GRM1: variants seen among roughly 807,000 people sequenced by gnomAD.
GRM1 encodes the protein metabotropic glutamate receptor 1.
Under a neutral mutation model 90.9 loss-of-function variants are expected in GRM1, and 33 were observed. The ratio of observed to expected loss-of-function variants is 0.36; its 90% CI spans 0.28 to 0.49. The LOEUF (loss-of-function observed/expected upper bound fraction) is 0.49, where lower values mean the gene tolerates loss of function less well. Ranked by LOEUF, GRM1 falls within the 20% of genes least tolerant of loss-of-function variation. The pLI is 0.99. For missense variants in GRM1, 1,190 were observed against 1,534.3 expected (o/e 0.78, Z 3.75); for synonymous variants, 700 against 613.2 (o/e 1.14, Z -2.09).
chr6:146,103,160 C>A (rs1267563322), intron 1 of GRM1, among the ~76,000 whole-genome samples: 1 of 152,066 alleles, frequency 6.6e-6, no homozygotes, highest in African/African-American at 2.4e-5. Context: ...GTGAAATTGG[C>A]AATTGGCATT....
chr6:146,371,620 C>A (rs938924125), intron 5 of GRM1, among the ~76,000 whole-genome samples: 3 of 152,084 alleles, frequency 2.0e-5, no homozygotes, highest in Non-Finnish European at 4.4e-5. Flanking sequence ...CATGCCCCAA[C>A]TACTCTTCCC....
chr6:146,419,067 T>C (rs3804295), intron 7 of GRM1, among the ~76,000 whole-genome samples: 92,531 of 151,952 alleles, frequency 0.61, 30,502 homozygotes, highest in African/African-American at 0.88. Flanking sequence ...GGAGAGGTAC[T>C]GAGATTTCGC....
At chr6:146,141,749 A>G (rs1776888074) in intron 1 of GRM1, among the ~76,000 whole-genome samples, 2 of 152,028 alleles carry the variant, frequency 1.3e-5, no homozygotes, top group African/African-American at 4.8e-5. Flanking sequence ...TATTTCAATC[A>G]GTTTGTTAAA....
chr6:146,091,106 G>C (rs1301587874), intron 1 of GRM1, among the ~76,000 whole-genome samples: 1 of 152,082 alleles, frequency 6.6e-6, no homozygotes, highest in Non-Finnish European at 1.5e-5. Context: ...GCCTTAAAAA[G>C]ACAGAACTGC....
intron 1 of GRM1, among the ~76,000 whole-genome samples, chr6:146,099,166 A>G (rs1776967224): frequency 6.6e-6 from 1 of 152,128 alleles, no homozygotes; most frequent in Admixed American, 6.5e-5. Context: ...TGGGTGGATC[A>G]CTTTGAGCTC....
intron 1 of GRM1, among the ~76,000 whole-genome samples, chr6:146,084,001 A>C (rs1326943232): frequency 2.6e-5 from 4 of 152,092 alleles, no homozygotes; most frequent in African/African-American, 7.2e-5. Context: ...TTTCTTCTAG[A>C]GTTTCTAGTT....
At chr6:146,060,108 C>T (rs751765585) in intron 1 of GRM1, among the ~76,000 whole-genome samples, 19 of 152,046 alleles carry the variant, frequency 1.2e-4, no homozygotes, top group Non-Finnish European at 2.2e-4. Context: ...TGAAAGGGGT[C>T]TAGCTTTTCA....
chr6:146,411,790 G>A (rs551618324), intron 7 of GRM1, among the ~76,000 whole-genome samples: 16 of 152,200 alleles, frequency 1.1e-4, no homozygotes, highest in Non-Finnish European at 1.5e-4. Context: ...AGCCAACAGA[G>A]ACATGCCTTT....
At chr6:146,154,634 T>C (rs1777456547) in intron 1 of GRM1, among the ~76,000 whole-genome samples, 1 of 152,222 alleles carries the variant, frequency 6.6e-6, no homozygotes, top group South Asian at 2.1e-4. Flanking sequence ...CAGGAATGTC[T>C]TATTAGATTT....
chr6:146,102,218 T>C (rs1446940984), intron 1 of GRM1, among the ~76,000 whole-genome samples: 1 of 152,208 alleles, frequency 6.6e-6, no homozygotes, highest in African/African-American at 2.4e-5. Flanking sequence ...CCATTGGTCC[T>C]TTTCTCACTC....
At chr6:146,368,457 A>G (rs1046610763) in intron 5 of GRM1, among the ~76,000 whole-genome samples, 1 of 152,106 alleles carries the variant, frequency 6.6e-6, no homozygotes. Flanking sequence ...TCCATATCTT[A>G]GAAGAAAAAG....
chr6:146,372,640 GGGGAGAGGTAGGGGTC>G (rs149682665), intron 5 of GRM1, among the ~76,000 whole-genome samples: 3,738 of 152,142 alleles, frequency 0.025, 137 homozygotes, highest in African/African-American at 0.083. Context: ...TTTTGTGTAT[GGGGAGAGGTAGGGGTC>G]TAGTTTCATT....
intron 1 of GRM1, among the ~76,000 whole-genome samples, chr6:146,072,386 A>G (rs929984326): frequency 6.6e-6 from 1 of 152,166 alleles, no homozygotes; most frequent in Non-Finnish European, 1.5e-5. Flanking sequence ...GCATTATTCT[A>G]TAATATCCTG....
At chr6:146,282,327 A>T (rs1427793331) in intron 2 of GRM1, among the ~76,000 whole-genome samples, 2 of 152,064 alleles carry the variant, frequency 1.3e-5, no homozygotes, top group Non-Finnish European at 2.9e-5. Context: ...TTGTAGCCCC[A>T]CTTACTATTA....
chr6:146,406,515 A>C (rs540574515), intron 7 of GRM1, among the ~76,000 whole-genome samples: 1 of 152,244 alleles, frequency 6.6e-6, no homozygotes, highest in African/African-American at 2.4e-5. Flanking sequence ...TCAGCCTGTA[A>C]GTAGGTGCCC....
chr6:146,228,555 AAC>A (rs1375200489), intron 2 of GRM1, among the ~76,000 whole-genome samples: 2 of 152,324 alleles, frequency 1.3e-5, no homozygotes, highest in African/African-American at 4.8e-5. Flanking sequence ...GGGACATTCA[AAC>A]CATAGCAACC....
chr6:146,357,347 G>A (rs1785624159), intron 4 of GRM1, among the ~76,000 whole-genome samples, 179 bp from the exon 5 acceptor site: 1 of 152,108 alleles, frequency 6.6e-6, no homozygotes, highest in Non-Finnish European at 1.5e-5. Context: ...ATTGAAGAAT[G>A]GAATATACAC....
At chr6:146,285,983 A>G (rs1782754350) in intron 2 of GRM1, among the ~76,000 whole-genome samples, 1 of 152,148 alleles carries the variant, frequency 6.6e-6, no homozygotes, top group African/African-American at 2.4e-5. Flanking sequence ...ATTTTTTTGC[A>G]TGGAGTTGAA....
At chr6:146,062,278 G>A (rs1322732196) in intron 1 of GRM1, among the ~76,000 whole-genome samples, 2 of 151,932 alleles carry the variant, frequency 1.3e-5, no homozygotes, top group South Asian at 2.1e-4. Flanking sequence ...TCACTCATAA[G>A]TGGGAGATGA....
Sources: gnomAD v4.1 joint callset for allele counts (sites outside exome capture counted in the v4.1 genomes callset) on GRCh38, gnomAD v4.1.1 for gene constraint, MANE v1.5 for transcripts, NCBI Gene and HGNC (gene_info 2026-07-23, HGNC 2026-07-21) for gene names.